GZMK: variants seen among roughly 807,000 people sequenced by gnomAD.
The protein encoded by GZMK is NK-Tryp-2.
A neutral mutation model predicts 22.8 loss-of-function variants in GZMK; 18 were observed. The observed-to-expected ratio is 0.79, with a 90% CI of 0.54 to 1.17. GZMK has a LOEUF of 1.17. GZMK is among the 50% of genes most tolerant of loss of function. The pLI, the probability that GZMK is intolerant of heterozygous loss-of-function variation, is 0.00. For missense variants in GZMK, 342 were observed against 320.2 expected (o/e 1.07, Z -0.52); for synonymous variants, 136 against 115.0 (o/e 1.18, Z -1.17).
intron 3 of GZMK, among the ~76,000 whole-genome samples, chr5:55,030,822 A>G (rs1741217939): frequency 6.6e-6 from 1 of 152,208 alleles, no homozygotes; most frequent in Non-Finnish European, 1.5e-5. Context: ...TACTCAACAT[A>G]TGTAGGAGGG....
At chr5:55,031,113 G>A (rs61165733) in intron 3 of GZMK, among the ~76,000 whole-genome samples, 5,549 of 152,230 alleles carry the variant, frequency 0.036, 344 homozygotes, top group African/African-American at 0.13. Flanking sequence ...GCAGGGCAAA[G>A]GCCAGTTTGC....
At chr5:55,030,383 T>C (rs770363622) in intron 2 of GZMK, 51 bp from the exon 3 acceptor site, 4 of 1,578,264 alleles carry the variant, frequency 2.5e-6, no homozygotes, top group South Asian at 2.3e-5. Context: ...CACTCCCCAC[T>C]GGGGGATTTG....
chr5:55,034,087 T>C lies in GZMK; in HGVS notation c.*161T>C. 1 of 555,128 alleles carries C rather than the reference T, an allele frequency of 1.8e-6. No homozygotes were observed. Among genetic ancestry groups the C allele is most frequent in the South Asian group, 2.6e-5 (1 of 38,364 alleles). 34.4% of individuals were successfully genotyped at this position (555,128 alleles called of 1,614,324 possible). A position where few individuals can be genotyped will look rare whatever the true frequency, so the allele number is the denominator to read the frequency against. On this transcript the variant is annotated 3_prime_UTR_variant, in exon 5 of 5. Coordinates refer to ENST00000231009, the MANE Select transcript of GZMK (RefSeq NM_002104.3). Reference sequence around the variant, plus strand: ...TTCTTTTTCACTTGTATCACTGATGTATTTCTACCATGCTGGTTTTATTCT... The same window carrying C: ...TTCTTTTTCACTTGTATCACTGATGCATTTCTACCATGCTGGTTTTATTCT...
intron 2 of GZMK, among the ~76,000 whole-genome samples, chr5:55,026,346 C>T (rs3776035): frequency 0.19 from 29,409 of 151,520 alleles, 3,414 homozygotes; most frequent in South Asian, 0.36. Flanking sequence ...TCACGAGAAG[C>T]GGATTCCCAA....
At position 55,024,807 on chromosome 5, in the gene GZMK, G is replaced by A. The variant is rs559900915; in HGVS notation, c.212G>A (p.Arg71Gln). ...WVLTAAHCQY[R>Q]FTKGQSPTVV... ...CTGACAGCAGCCCACTGCCAATATC[G>A]GTGAGTCCTCCACACTTTTCCAGAC... Residue 71 changes from arginine to glutamine, a missense_variant and splice_region_variant, in exon 2 of 5, where the codon CGG (arginine) becomes CAG (glutamine). Transcript: ENST00000231009. The A allele has an allele frequency of 2.2e-4, 346 of 1,583,920 alleles. 2 individuals are homozygous for A. In the South Asian group the frequency reaches 3.3e-3, roughly 15 times the overall value.
chr5:55,030,125 T>C lies in GZMK; in HGVS notation c.213-309T>C, dbSNP rs551914076. ...ATTTTTACATAAATGAACATAATTTTGTTTTAAACTTGATCTAAGTCAATT... is the reference window on the plus strand; with the variant it reads ...ATTTTTACATAAATGAACATAATTTCGTTTTAAACTTGATCTAAGTCAATT... On this transcript the variant is annotated intron_variant, in intron 2 of 4. Transcript: ENST00000231009. 1.8e-4 allele frequency among the ~76,000 whole-genome samples: 27 copies of C among 152,372 alleles called. 1 individual carries two copies. The East Asian group carries it at 5.2e-3, about 29-fold the overall frequency.
Position 55,024,792 on chromosome 5 carries a change from C to A in GZMK, c.197C>A (p.Ala66Asp). ...LIDPQWVLTA[A>D]HCQYRFTKGQ... Reference sequence around the variant, plus strand: ...GATCCACAGTGGGTGCTGACAGCAGCCCACTGCCAATATCGGTGAGTCCTC... The same window carrying A: ...GATCCACAGTGGGTGCTGACAGCAGACCACTGCCAATATCGGTGAGTCCTC... The change falls in exon 2 of 5, where the codon GCC becomes GAC. Residue 66 changes from alanine to aspartate, a missense_variant. Transcript: ENST00000231009. 1 of 1,600,336 alleles carries A rather than the reference C, an allele frequency of 6.2e-7. No homozygotes were observed. Among genetic ancestry groups the A allele is most frequent in the Admixed American group, 1.7e-5 (1 of 58,596 alleles).
At chr5:55,030,629 T>TATTG in intron 3 of GZMK, 45 bp downstream of exon 3, 1 of 1,476,214 alleles carries the variant, frequency 6.8e-7, no homozygotes. Context: ...AACATTTTTA[T>TATTG]ACAGGATGGC....
At position 55,024,279 on chromosome 5, in the gene GZMK, G is replaced by C. The variant is rs1459562726; in HGVS notation, c.-44G>C. On this transcript the variant is annotated 5_prime_UTR_variant, in exon 1 of 5. Transcript: ENST00000231009. ...TCAGAATCTTCTTCCTTCATCACAGGATCAACACATTTCATCTGGGCTTCT... is the reference window on the plus strand; with the variant it reads ...TCAGAATCTTCTTCCTTCATCACAGCATCAACACATTTCATCTGGGCTTCT... 1 of 920,608 alleles carries C rather than the reference G, an allele frequency of 1.1e-6. No individual in the cohort carries two copies. Among genetic ancestry groups the C allele is most frequent in the African/African-American group, 1.6e-5 (1 of 61,378 alleles). The allele number at this position is 920,608 out of a possible 1,614,324, so 57.0% of individuals were successfully genotyped here. A position where few individuals can be genotyped will look rare whatever the true frequency, so the allele number is the denominator to read the frequency against.
intron 1 of GZMK, 130 bp from the exon 2 acceptor site, chr5:55,024,530 A>G: frequency 1.3e-6 from 1 of 796,758 alleles, no homozygotes; most frequent in Non-Finnish European, 2.0e-6. Context: ...CAGTAAAATT[A>G]TTGTAGCTTT....
intron 3 of GZMK, among the ~76,000 whole-genome samples, chr5:55,030,950 G>A (rs899330782): frequency 6.6e-6 from 1 of 152,132 alleles, no homozygotes; most frequent in Non-Finnish European, 1.5e-5. Flanking sequence ...AAGTGACTTC[G>A]GGGGCTCAGC....
At chr5:55,030,621 C>T (rs755613970) in intron 3 of GZMK, 37 bp downstream of exon 3, 2 of 1,519,772 alleles carry the variant, frequency 1.3e-6, no homozygotes, top group Non-Finnish European at 1.8e-6. Flanking sequence ...ATTTTGTCAA[C>T]ATTTTTATAC....
At position 55,024,389 on chromosome 5, in the gene GZMK, A is replaced by C; in HGVS notation, c.64+3A>C. 1 of 1,319,596 alleles carries C rather than the reference A, an allele frequency of 7.6e-7. No homozygotes were observed. Among genetic ancestry groups the C allele is most frequent in the Non-Finnish European group, 1.1e-6 (1 of 914,374 alleles). 81.7% of individuals were successfully genotyped at this position (1,319,596 alleles called of 1,614,324 possible). ...TGGGGCTTATATGACTCATGTGTGT[A>C]AGTATCTCCTATATCTACATGTAAA... is the stretch of plus-strand genomic sequence containing the variant. On this transcript the variant is annotated splice_donor_region_variant and intron_variant, in intron 1 of 4. Coordinates refer to ENST00000231009, the MANE Select transcript of GZMK (RefSeq NM_002104.3).
At chr5:55,029,730 G>GT in intron 2 of GZMK, among the ~76,000 whole-genome samples, 1 of 152,138 alleles carries the variant, frequency 6.6e-6, no homozygotes, top group Non-Finnish European at 1.5e-5. Flanking sequence ...GCCCCTTAAT[G>GT]TTTTTTTAGA....
chr5:55,033,725 C>A (rs780493481), intron 4 of GZMK, 40 bp from the exon 5 acceptor site: 2 of 1,538,994 alleles, frequency 1.3e-6, no homozygotes, highest in Non-Finnish European at 1.8e-6. Flanking sequence ...AATATCCCAA[C>A]AGCTTCTTAC....
chr5:55,031,285 G>A (rs1204354759), intron 3 of GZMK, 79 bp from the exon 4 acceptor site: 1 of 1,214,212 alleles, frequency 8.2e-7, no homozygotes, highest in East Asian at 2.3e-5. Context: ...TAAGACAGAG[G>A]GACCACACAT....
In GZMK at chr5:55,034,167, C is replaced by CT; in HGVS notation, c.*241_*242insT. 4.6e-6 allele frequency: 2 copies of CT among 439,024 alleles called. No individual in the cohort carries two copies. Among genetic ancestry groups the CT allele is most frequent in the Middle Eastern group, 1.2e-3 (2 of 1,630 alleles). 27.2% of individuals were successfully genotyped at this position (439,024 alleles called of 1,614,324 possible). On this transcript the variant is annotated 3_prime_UTR_variant, in exon 5 of 5. Coordinates refer to ENST00000231009, the MANE Select transcript of GZMK (RefSeq NM_002104.3). ...CTTTTATCACATGAAGTAATATCTG[C>CT]CCCCATTGCACCCACACTCGCCAAA...
At chr5:55,032,256 G>A (rs1365930578) in intron 4 of GZMK, among the ~76,000 whole-genome samples, 1 of 152,130 alleles carries the variant, frequency 6.6e-6, no homozygotes, top group Non-Finnish European at 1.5e-5. Flanking sequence ...ATGGTAGATG[G>A]GGTGAGGGGT....
rs1741278732 is a variant in GZMK at position 55,034,000 on chromosome 5, T to G, written c.*74T>G. ...CTCGCAGGTTAGAGTTGGGTGTAAG[T>G]AAAGCAGAGCACATATGGGGTCCAT... On this transcript the variant is annotated 3_prime_UTR_variant, in exon 5 of 5. Transcript: ENST00000231009. The G allele has an allele frequency of 1.6e-6, 2 of 1,221,826 alleles. No individual in the cohort carries two copies. The highest frequency in any genetic ancestry group is 2.3e-6 in the Non-Finnish European group (2 of 861,026). 75.7% of individuals were successfully genotyped at this position (1,221,826 alleles called of 1,614,324 possible).
Sources: allele counts gnomAD v4.1 joint callset (sites outside exome capture counted in the v4.1 genomes callset), GRCh38; gene constraint gnomAD v4.1.1; transcripts MANE v1.5; gene names NCBI Gene and HGNC (gene_info 2026-07-23, HGNC 2026-07-21).